REX1BD: variants seen among roughly 807,000 people sequenced by gnomAD.
The protein encoded by REX1BD is required for excision 1-B domain-containing protein.
A neutral mutation model predicts 24.4 loss-of-function variants in REX1BD; 22 were observed. That is an observed-to-expected ratio of 0.90 (90% CI 0.64 to 1.29). The LOEUF (loss-of-function observed/expected upper bound fraction) is 1.29. Among genes scored for constraint, REX1BD ranks in the 50% most tolerant of loss-of-function variants. The pLI is 0.00. For synonymous variants in REX1BD, 146 were observed against 125.9 expected (o/e 1.16, Z -1.07); for missense variants, 293 against 285.3 (o/e 1.03, Z -0.19).
At chr19:18,589,976 A>G (rs1976004004) in intron 3 of REX1BD, 1 of 409,936 alleles carries the variant, frequency 2.4e-6, no homozygotes, top group South Asian at 4.8e-5. Context: ...ACAATGCTCC[A>G]CCCACTCTGG....
At position 18,592,000 on chromosome 19, in the gene REX1BD, G is replaced by T. The variant is rs566761192; in HGVS notation, c.534-108G>T. The T allele has an allele frequency of 1.0e-4, 133 of 1,293,738 alleles. 2 individuals carry two copies. The South Asian group carries it at 1.6e-3, about 16-fold the overall frequency. 80.1% of individuals were successfully genotyped at this position (1,293,738 alleles called of 1,614,324 possible). A position where few individuals can be genotyped will look rare whatever the true frequency, so the allele number is the denominator to read the frequency against. Reference sequence around the variant, plus strand: ...AGTGCTGCCTGGAGGTTTGGCGGCGGGCAGGAGGGCCTGGGGCTCACCACA... The same window carrying T: ...AGTGCTGCCTGGAGGTTTGGCGGCGTGCAGGAGGGCCTGGGGCTCACCACA... On this transcript the variant is annotated intron_variant, in intron 4 of 4. Coordinates refer to ENST00000358607, the MANE Select transcript of REX1BD (RefSeq NM_001100418.2).
In REX1BD at chr19:18,588,842, T is replaced by A; in HGVS notation, c.41T>A (p.Val14Glu). 6.5e-7 allele frequency: 1 copy of A among 1,533,140 alleles called. No individual in the cohort carries two copies. Among genetic ancestry groups the A allele is most frequent in the South Asian group, 1.2e-5 (1 of 83,892 alleles). The allele number at this position is 1,533,140 out of a possible 1,614,324, so 95.0% of individuals were successfully genotyped here. ...GCGGCGGAGCCTACGGTCCCTGCAGTGCCTGCTGCTGAGGAGGCCACCGAA... is the reference window on the plus strand; with the variant it reads ...GCGGCGGAGCCTACGGTCCCTGCAGAGCCTGCTGCTGAGGAGGCCACCGAA... The part of the protein sequence containing the change: ...ETAAEPTVPA[V>E]PAAEEATEAR... The change falls in exon 1 of 5, where the codon GTG becomes GAG. Residue 14 changes from valine to glutamate, a missense_variant. By Grantham distance (121) the Val-to-Glu change is moderately radical. Coordinates refer to ENST00000358607, the MANE Select transcript of REX1BD (RefSeq NM_001100418.2).
chr19:18,588,979 GC>G lies in REX1BD; in HGVS notation c.100-11del. 2.0e-6 allele frequency: 3 copies of G among 1,525,982 alleles called. No homozygotes were observed. Among genetic ancestry groups the G allele is most frequent in the Admixed American group, 2.0e-5 (1 of 49,902 alleles). 94.5% of individuals were successfully genotyped at this position (1,525,982 alleles called of 1,614,324 possible). On this transcript the variant is annotated splice_polypyrimidine_tract_variant and intron_variant, in intron 1 of 4. Transcript: ENST00000358607. ...GGCGCGGGCTTCATGCCCCAGCCGT[GC>G]CCCCTGTCCCGCAGAAAGACGCCCC...
intron 3 of REX1BD, 49 bp from the exon 4 acceptor site, chr19:18,590,805 T>TG (rs1255399781): frequency 6.5e-7 from 1 of 1,542,920 alleles, no homozygotes; most frequent in Non-Finnish European, 8.8e-7. Context: ...GGGCAGGGGG[T>TG]GGGTTCTGCT....
At chr19:18,590,680 T>C (rs1482598733) in intron 3 of REX1BD, 174 bp from the exon 4 acceptor site, 3 of 597,176 alleles carry the variant, frequency 5.0e-6, no homozygotes, top group East Asian at 6.2e-5. Flanking sequence ...GTCTCCTTTC[T>C]GAGAGAGCCT....
Position 18,588,959 on chromosome 19 carries a change from G to C in REX1BD, c.100-36G>C, listed in dbSNP as rs1295826785. ...GCGGGCGGCGCAGACCCAGGGGCGC[G>C]GGCTTCATGCCCCAGCCGTGCCCCC... On this transcript the variant is annotated intron_variant, in intron 1 of 4. Transcript: ENST00000358607. 2.6e-6 allele frequency: 4 copies of C among 1,523,790 alleles called. No homozygotes were observed. The East Asian group carries it at 1.0e-4, about 38-fold the overall frequency. 94.4% of individuals were successfully genotyped at this position (1,523,790 alleles called of 1,614,324 possible).
At chr19:18,589,891 C>G in intron 3 of REX1BD, 2 of 714,216 alleles carry the variant, frequency 2.8e-6, no homozygotes, top group Non-Finnish European at 4.2e-6. Flanking sequence ...CAAGTTTTGT[C>G]CTTATTCCCA....
At chr19:18,591,983 C>T in intron 4 of REX1BD, 125 bp from the exon 5 acceptor site, 1 of 1,055,822 alleles carries the variant, frequency 9.5e-7, no homozygotes, top group South Asian at 1.4e-5. Flanking sequence ...CTAGTGCTGC[C>T]TGGAGGTTTG....
chr19:18,592,128 C>A lies in REX1BD; in HGVS notation c.554C>A (p.Ala185Glu). 6.2e-7 allele frequency: 1 copy of A among 1,614,060 alleles called. No homozygotes were observed. The highest frequency in any genetic ancestry group is 8.5e-7 in the Non-Finnish European group (1 of 1,180,006). ...LKMKVIKTME[A>E]ISEVLQDLRF... ...TGTAGGGTAATTAAAACCATGGAGGCGATCAGCGAGGTTCTCCAGGACCTT... is the reference window on the plus strand; with the variant it reads ...TGTAGGGTAATTAAAACCATGGAGGAGATCAGCGAGGTTCTCCAGGACCTT... The change falls in exon 5 of 5, where the codon GCG becomes GAG. Residue 185 changes from alanine (A) to glutamate (E), a missense_variant. Physicochemically the swap from Ala to Glu is moderately radical, Grantham distance 107. Transcript: ENST00000358607.
rs1318925988 is a variant in REX1BD, at chr19:18,589,626, G to T, written c.396G>T (p.Pro132=). The change falls in exon 3 of 5, where the codon CCG becomes CCT. Residue 132 remains proline (P), a synonymous_variant. Coordinates refer to ENST00000358607, the MANE Select transcript of REX1BD (RefSeq NM_001100418.2). The part of the protein sequence containing the change: ...EAELGGPRRQ[P]LLAGHVRSLQ... ...AGCTGGGCGGGCCTCGCAGGCAGCC[G>T]CTGCTCGCCGGCCACGTGCGCAGCC... 5.3e-6 allele frequency: 8 copies of T among 1,521,992 alleles called. No homozygotes were observed. The highest frequency in any genetic ancestry group is 7.0e-6 in the Non-Finnish European group (8 of 1,142,034). The allele number at this position is 1,521,992 out of a possible 1,614,324, so 94.3% of individuals were successfully genotyped here.
chr19:18,589,654 C>A lies in REX1BD; in HGVS notation c.424C>A (p.Gln142Lys). The stretch of plus-strand genomic sequence containing the variant: ...GCTCGCCGGCCACGTGCGCAGCCTG[C>A]AGGAGCTGGAGCAGACGCGGCTGGG... ...PLLAGHVRSL[Q>K]ELEQTRLGTV... The change falls in exon 3 of 5, where the codon CAG becomes AAG. Residue 142 changes from glutamine to lysine, a missense_variant. Physicochemically the swap from Gln to Lys is moderately conservative, Grantham distance 53 (BLOSUM62 1). Transcript: ENST00000358607. 1.3e-6 allele frequency: 2 copies of A among 1,504,100 alleles called. No individual in the cohort carries two copies. Among genetic ancestry groups the A allele is most frequent in the South Asian group, 1.3e-5 (1 of 77,608 alleles). 93.2% of individuals were successfully genotyped at this position (1,504,100 alleles called of 1,614,324 possible).
rs929164590 is a variant in REX1BD, at chr19:18,588,976, CG to C, written c.100-18del. 1 of 1,525,830 alleles carries C rather than the reference CG, an allele frequency of 6.6e-7. No homozygotes were observed. The highest frequency in any genetic ancestry group is 1.4e-5 in the African/African-American group (1 of 72,372). The allele number at this position is 1,525,830 out of a possible 1,614,324, so 94.5% of individuals were successfully genotyped here. A position where few individuals can be genotyped will look rare whatever the true frequency, so the allele number is the denominator to read the frequency against. On this transcript the variant is annotated intron_variant, in intron 1 of 4. Transcript: ENST00000358607. Reference sequence around the variant, plus strand: ...AGGGGCGCGGGCTTCATGCCCCAGCCGTGCCCCCTGTCCCGCAGAAAGACGC... The same window carrying C: ...AGGGGCGCGGGCTTCATGCCCCAGCCTGCCCCCTGTCCCGCAGAAAGACGC...
At position 18,592,133 on chromosome 19, in the gene REX1BD, A is replaced by T. The variant is rs750443765; in HGVS notation, c.559A>T (p.Ser187Cys). The T allele has an allele frequency of 1.2e-6, 2 of 1,614,124 alleles. No homozygotes were observed. Among genetic ancestry groups the T allele is most frequent in the Admixed American group, 3.3e-5 (2 of 60,032 alleles). The change falls in exon 5 of 5, where the codon AGC becomes TGC. Residue 187 changes from serine (S) to cysteine (C), a missense_variant. Transcript: ENST00000358607. ...MKVIKTMEAISEVLQDLRFDA... is the reference protein window; with the variant it reads ...MKVIKTMEAICEVLQDLRFDA... ...GGTAATTAAAACCATGGAGGCGATC[A>T]GCGAGGTTCTCCAGGACCTTAGGTT...
rs1425432858 is a variant in REX1BD at position 18,589,577 on chromosome 19, G to C, written c.347G>C (p.Arg116Pro). ...GVTQAFAAASREVLAVEAELG... is the reference protein window; with the variant it reads ...GVTQAFAAASPEVLAVEAELG... ...ACCCAGGCCTTCGCCGCCGCCTCGC[G>C]GGAGGTGCTGGCGGTGGAAGCAGAG... The change falls in exon 3 of 5, where the codon CGG (arginine) becomes CCG (proline). Residue 116 changes from arginine to proline, a missense_variant. Transcript: ENST00000358607. 1.9e-6 allele frequency: 3 copies of C among 1,556,652 alleles called. No homozygotes were observed. The African/African-American group carries it at 4.1e-5, about 21-fold the overall frequency.
intron 4 of REX1BD, 83 bp from the exon 5 acceptor site, chr19:18,592,025 A>G (rs1448238657): frequency 6.5e-7 from 1 of 1,537,552 alleles, no homozygotes; most frequent in Non-Finnish European, 9.0e-7. Context: ...GGCTCACCAC[A>G]GCCACAGCCC....
intron 2 of REX1BD, 168 bp downstream of exon 2, chr19:18,589,245 C>T (rs1301698111): frequency 6.5e-7 from 1 of 1,531,730 alleles, no homozygotes; most frequent in Admixed American, 2.0e-5. Flanking sequence ...GAAAAAGGCC[C>T]CACAGCACGT....
At position 18,589,015 on chromosome 19, in the gene REX1BD, G is replaced by T. The variant is rs1391224188; in HGVS notation, c.120G>T (p.Thr40=). 1 of 1,527,498 alleles carries T rather than the reference G, an allele frequency of 6.5e-7. No homozygotes were observed. The highest frequency in any genetic ancestry group is 1.2e-5 in the South Asian group (1 of 83,098). The allele number at this position is 1,527,498 out of a possible 1,614,324, so 94.6% of individuals were successfully genotyped here. Residue 40 remains threonine (T), a synonymous_variant, in exon 2 of 5, where the codon ACG becomes ACT. Transcript: ENST00000358607. The part of the protein sequence containing the change: ...AWPWKDAPIR[T]LVQRIHQLQA... The stretch of plus-strand genomic sequence containing the variant: ...CGCAGAAAGACGCCCCGATCCGGAC[G>T]CTGGTGCAGCGCATCCACCAGCTGC...
At chr19:18,590,118 C>T (rs901865180) in intron 3 of REX1BD, 5 of 168,928 alleles carry the variant, frequency 3.0e-5, no homozygotes, top group African/African-American at 9.5e-5. Context: ...TGCGATCCGC[C>T]TGCTCGGCCC....
Position 18,589,960 on chromosome 19 carries a change from G to T in REX1BD, c.453+277G>T, listed in dbSNP as rs1467649340. On this transcript the variant is annotated intron_variant, in intron 3 of 4. Transcript: ENST00000358607. ...TGCTATTCCAAGATGCCCAGATCCC[G>T]CCCCAACAATGCTCCACCCACTCTG... 17 of 451,806 alleles carry T rather than the reference G, an allele frequency of 3.8e-5. No homozygotes were observed. In the East Asian group the frequency reaches 6.5e-4, roughly 17 times the overall value. The allele number at this position is 451,806 out of a possible 1,614,324, so 28.0% of individuals were successfully genotyped here.
Sources: gnomAD v4.1 joint callset for allele counts on GRCh38, gnomAD v4.1.1 for gene constraint, MANE v1.5 for transcripts, NCBI Gene and HGNC (gene_info 2026-07-23, HGNC 2026-07-21) for gene names.